Variants in NEMP2 observed in about 807,000 individuals in gnomAD.
NEMP2 encodes UPF0571 transmembrane protein.
NEMP2 carries 53 observed loss-of-function variants against 54.2 expected under a neutral mutation model. That is an observed-to-expected ratio of 0.98 (90% CI 0.78 to 1.23). The LOEUF is 1.23. NEMP2 is among the 50% of genes most tolerant of loss of function. The pLI is 0.00. For missense variants in NEMP2, 455 were observed against 511.3 expected, an observed-to-expected ratio of 0.89 and a Z score of 1.06; for synonymous variants, 197 against 190.3, an observed-to-expected ratio of 1.04 and a Z score of -0.29.
At chr2:190,541,459 AC>A in the NEMP2 span, among the ~76,000 whole-genome samples, 1 of 152,130 alleles carries the variant, frequency 6.6e-6, no homozygotes, top group Non-Finnish European at 1.5e-5. The surrounding 1 kb of genome is among the most constrained non-coding windows in gnomAD (Gnocchi z 5.2). Context: ...AGAAATTCTT[AC>A]ATTTCTTTCT....
At chr2:190,542,023 G>C in the NEMP2 span, among the ~76,000 whole-genome samples, 1 of 151,942 alleles carries the variant, frequency 6.6e-6, no homozygotes, top group Admixed American at 6.6e-5. This position sits in a 1 kb window ranked among gnomAD's most constrained non-coding sequence, Gnocchi z 4.6. Context: ...TCTCTTTGTC[G>C]TCTGAGTTTG....
the NEMP2 span, among the ~76,000 whole-genome samples, chr2:190,560,494 C>T: frequency 2.6e-5 from 4 of 152,202 alleles, no homozygotes; most frequent in African/African-American, 9.6e-5. This position sits in a 1 kb window ranked among gnomAD's most constrained non-coding sequence, Gnocchi z 5.4. Flanking sequence ...ACTCTAACAG[C>T]ATACATAATG....
At chr2:190,567,898 T>A in the NEMP2 span, among the ~76,000 whole-genome samples, 7 of 152,142 alleles carry the variant, frequency 4.6e-5, no homozygotes, top group Non-Finnish European at 8.8e-5. This position sits in a 1 kb window ranked among gnomAD's most constrained non-coding sequence, Gnocchi z 4.0. Context: ...TCGCCCGCCT[T>A]GGTCCCCCAA....
At chr2:190,604,297 C>A in the NEMP2 span, among the ~76,000 whole-genome samples, 1 of 152,184 alleles carries the variant, frequency 6.6e-6, no homozygotes, top group African/African-American at 2.4e-5. This position sits in a 1 kb window ranked among gnomAD's most constrained non-coding sequence, Gnocchi z 4.5. Context: ...GTGGTATGGA[C>A]TTTTTCCTAC....
At chr2:190,621,691 T>C in the NEMP2 span, among the ~76,000 whole-genome samples, 12 of 152,298 alleles carry the variant, frequency 7.9e-5, no homozygotes, top group South Asian at 2.3e-3. Flanking sequence ...GGCATAAGTA[T>C]AGACATAAAT....
the NEMP2 span, among the ~76,000 whole-genome samples, chr2:190,558,725 T>A: frequency 6.6e-6 from 1 of 152,174 alleles, no homozygotes; most frequent in South Asian, 2.1e-4. This position sits in a 1 kb window ranked among gnomAD's most constrained non-coding sequence, Gnocchi z 4.4. Flanking sequence ...ACATTTGGGC[T>A]TTATTATGTG....
At chr2:190,491,293 G>A in the NEMP2 span, among the ~76,000 whole-genome samples, 1 of 152,204 alleles carries the variant, frequency 6.6e-6, no homozygotes, top group Non-Finnish European at 1.5e-5. The surrounding 1 kb of genome is among the most constrained non-coding windows in gnomAD (Gnocchi z 4.2). Flanking sequence ...CTCACACTCA[G>A]GTGGACCGAG....
the NEMP2 span, chr2:190,469,880 T>G: frequency 6.6e-7 from 1 of 1,517,954 alleles, no homozygotes; most frequent in Non-Finnish European, 9.1e-7. The surrounding 1 kb of genome is among the most constrained non-coding windows in gnomAD (Gnocchi z 5.3). Context: ...GGGATTGAAA[T>G]TATTTCTCTG....
At chr2:190,503,418 G>A (rs1291955354), downstream of NEMP2, among the ~76,000 whole-genome samples, 1 of 152,188 alleles carries the variant, frequency 6.6e-6, no homozygotes, top group Non-Finnish European at 1.5e-5. This position sits in a 1 kb window ranked among gnomAD's most constrained non-coding sequence, Gnocchi z 6.3. Flanking sequence ...CTAATTTTCT[G>A]GGGAATTAGG....
chr2:190,487,076 A>G, the NEMP2 span, among the ~76,000 whole-genome samples: 3 of 152,196 alleles, frequency 2.0e-5, no homozygotes, highest in African/African-American at 7.2e-5. The surrounding 1 kb of genome is among the most constrained non-coding windows in gnomAD (Gnocchi z 5.5). Context: ...GGCTGGGTGC[A>G]GTGGCTCACT....
chr2:190,426,802 G>A, the NEMP2 span, among the ~76,000 whole-genome samples: 1 of 151,630 alleles, frequency 6.6e-6, no homozygotes, highest in Admixed American at 6.5e-5. This position sits in a 1 kb window ranked among gnomAD's most constrained non-coding sequence, Gnocchi z 4.7. Flanking sequence ...TTGAAAGCAA[G>A]ATGTTTTGGG....
the NEMP2 span, among the ~76,000 whole-genome samples, chr2:190,431,701 G>A: frequency 6.6e-6 from 1 of 152,138 alleles, no homozygotes; most frequent in East Asian, 1.9e-4. The surrounding 1 kb of genome is among the most constrained non-coding windows in gnomAD (Gnocchi z 4.4). Context: ...TGGAAAGAGA[G>A]GGAGAGGGAG....
chr2:190,472,778 T>G, the NEMP2 span, among the ~76,000 whole-genome samples: 2 of 151,974 alleles, frequency 1.3e-5, no homozygotes, highest in Admixed American at 1.3e-4. Flanking sequence ...CCAAGACACA[T>G]AATTGTCAGA....
chr2:190,599,535 G>T, the NEMP2 span, among the ~76,000 whole-genome samples: 1 of 152,076 alleles, frequency 6.6e-6, no homozygotes, highest in African/African-American at 2.4e-5. Context: ...TCAGTCAGTA[G>T]GAATAGTATT....
chr2:190,490,127 A>G, the NEMP2 span, among the ~76,000 whole-genome samples: 1 of 152,148 alleles, frequency 6.6e-6, no homozygotes, highest in Non-Finnish European at 1.5e-5. This position sits in a 1 kb window ranked among gnomAD's most constrained non-coding sequence, Gnocchi z 4.5. Context: ...GTACTAGGGA[A>G]GTATTAGTTT....
At chr2:190,559,937 G>A in the NEMP2 span, among the ~76,000 whole-genome samples, 1 of 152,150 alleles carries the variant, frequency 6.6e-6, no homozygotes, top group East Asian at 1.9e-4. This position sits in a 1 kb window ranked among gnomAD's most constrained non-coding sequence, Gnocchi z 4.0. Context: ...AAAAGGAGGA[G>A]GTGAGTGAGG....
At chr2:190,632,018 T>C in the NEMP2 span, among the ~76,000 whole-genome samples, 1 of 152,094 alleles carries the variant, frequency 6.6e-6, no homozygotes, top group East Asian at 1.9e-4. This position sits in a 1 kb window ranked among gnomAD's most constrained non-coding sequence, Gnocchi z 4.8. Context: ...ATAACGCCAC[T>C]GCACTCTTGC....
the NEMP2 span, among the ~76,000 whole-genome samples, chr2:190,476,785 C>A: frequency 6.6e-6 from 1 of 152,176 alleles, no homozygotes; most frequent in South Asian, 2.1e-4. Flanking sequence ...TTCACAATAG[C>A]AAAGACTTGG....
the NEMP2 span, among the ~76,000 whole-genome samples, chr2:190,577,391 G>T: frequency 6.6e-6 from 1 of 152,118 alleles, no homozygotes; most frequent in African/African-American, 2.4e-5. The surrounding 1 kb of genome is among the most constrained non-coding windows in gnomAD (Gnocchi z 4.8). Context: ...CAATGTCATA[G>T]ATTATGTGTA....
Sources: allele counts gnomAD v4.1 joint callset (sites outside exome capture counted in the v4.1 genomes callset), GRCh38; gene constraint gnomAD v4.1.1; non-coding constraint Gnocchi (gnomAD v3.1); transcripts MANE v1.5; gene names NCBI Gene and HGNC (gene_info 2026-07-23, HGNC 2026-07-21).